XRRA1: variants seen among roughly 807,000 people sequenced by gnomAD.
The protein encoded by XRRA1 is X-ray radiation resistance-associated protein 1.
In XRRA1, 69 loss-of-function variants were observed where a neutral mutation model predicts 80.2. The observed-to-expected ratio is 0.86, with a 90% CI of 0.71 to 1.05. The LOEUF (loss-of-function observed/expected upper bound fraction) is 1.05, where lower values mean the gene tolerates loss of function less well. XRRA1 is among the 50% of genes least tolerant of loss of function. The pLI, the probability that XRRA1 is intolerant of heterozygous loss-of-function variation, is 0.00. For synonymous variants in XRRA1, 348 were observed against 389.9 expected, an observed-to-expected ratio of 0.89 and a Z score of 1.27; for missense variants, 967 against 976.4, an observed-to-expected ratio of 0.99 and a Z score of 0.13.
At position 74,851,155 on chromosome 11, in the gene XRRA1, T is replaced by G. The variant is rs776723945; in HGVS notation, c.1313A>C (p.His438Pro). Residue 438 changes from histidine to proline, a missense_variant, in exon 14 of 19, where the codon CAC becomes CCC. Coordinates refer to ENST00000684022, the MANE Select transcript of XRRA1 (RefSeq NM_001378157.1). ...CTTTACTATCTTCCTTCGAATTAAG[T>G]GGATTCCCAGTCGCTCCTGGAGGAA... ...KSFLQERLGI[H>P]LIRRKIVKPK... 2 of 1,613,168 alleles carry G rather than the reference T, an allele frequency of 1.2e-6. No individual in the cohort carries two copies. Among genetic ancestry groups the G allele is most frequent in the Non-Finnish European group, 8.5e-7 (1 of 1,179,440 alleles).
intron 10 of XRRA1, among the ~76,000 whole-genome samples, chr11:74,904,467 GAA>G (rs200123565): frequency 6.3e-5 from 8 of 126,110 alleles, no homozygotes; most frequent in African/African-American, 2.3e-4. Context: ...TCTCTAAAAA[GAA>G]AAAAAAAAAA....
At chr11:74,869,409 T>C (rs1348184942) in intron 10 of XRRA1, among the ~76,000 whole-genome samples, 1 of 152,066 alleles carries the variant, frequency 6.6e-6, no homozygotes, top group African/African-American at 2.4e-5. Context: ...CCCAAGAAAT[T>C]ATTTTTTTCT....
chr11:74,884,458 T>G (rs2048519671), intron 10 of XRRA1, among the ~76,000 whole-genome samples: 1 of 152,214 alleles, frequency 6.6e-6, no homozygotes. Flanking sequence ...ATGGCACAGC[T>G]ATTCCTAACC....
chr11:74,878,786 T>A (rs1355385086), intron 10 of XRRA1, among the ~76,000 whole-genome samples: 1 of 151,592 alleles, frequency 6.6e-6, no homozygotes, highest in Non-Finnish European at 1.5e-5. Context: ...ATATGCGGCA[T>A]TATTTCTGAG....
intron 8 of XRRA1, among the ~76,000 whole-genome samples, chr11:74,913,172 A>C (rs1189601358): frequency 6.6e-6 from 1 of 152,266 alleles, no homozygotes; most frequent in African/African-American, 2.4e-5. Context: ...CAAAGTATAT[A>C]GCCCATTATA....
intron 10 of XRRA1, among the ~76,000 whole-genome samples, chr11:74,899,466 C>G (rs1048911916): frequency 1.3e-5 from 2 of 151,794 alleles, no homozygotes; most frequent in African/African-American, 4.8e-5. Flanking sequence ...ACCAATGAAA[C>G]AAAAAGTTGG....
intron 10 of XRRA1, among the ~76,000 whole-genome samples, chr11:74,882,336 C>G (rs1389280465): frequency 2.0e-5 from 3 of 150,942 alleles, no homozygotes; most frequent in African/African-American, 7.3e-5. Context: ...TCACGTAGTT[C>G]TCGAGCCTTG....
chr11:74,908,119 A>G (rs1478431524), intron 8 of XRRA1, among the ~76,000 whole-genome samples: 2 of 152,230 alleles, frequency 1.3e-5, no homozygotes, highest in African/African-American at 4.8e-5. Flanking sequence ...ATACACATAT[A>G]TAAGCCACAA....
chr11:74,907,652 T>C (rs2054930490), intron 8 of XRRA1, among the ~76,000 whole-genome samples: 2 of 152,266 alleles, frequency 1.3e-5, no homozygotes, highest in Non-Finnish European at 2.9e-5. Context: ...GACTCCTTGT[T>C]ATGCTGTGTC....
chr11:74,941,989 T>C (rs538912356), intron 2 of XRRA1, among the ~76,000 whole-genome samples: 1 of 152,134 alleles, frequency 6.6e-6, no homozygotes, highest in Non-Finnish European at 1.5e-5. Context: ...GGTACATGCC[T>C]GTGGTCCCAG....
intron 1 of XRRA1, among the ~76,000 whole-genome samples, chr11:74,945,749 C>A (rs750771469): frequency 2.0e-5 from 3 of 152,080 alleles, no homozygotes; most frequent in Admixed American, 1.3e-4. Context: ...GCAGCTAATG[C>A]CAATCTGACT....
At chr11:74,925,834 T>A (rs749862297) in intron 7 of XRRA1, among the ~76,000 whole-genome samples, 1 of 152,154 alleles carries the variant, frequency 6.6e-6, no homozygotes, top group Non-Finnish European at 1.5e-5. Flanking sequence ...GAAGACAAGA[T>A]GCATGGTACA....
chr11:74,848,283 G>T lies in XRRA1; in HGVS notation c.1560C>A (p.Gly520=), dbSNP rs1326220291. 1 of 1,613,948 alleles carries T rather than the reference G, an allele frequency of 6.2e-7. No homozygotes were observed. The highest frequency in any genetic ancestry group is 1.7e-5 in the Admixed American group (1 of 60,016). Residue 520 remains glycine, a synonymous_variant, in exon 15 of 19, where the codon GGC becomes GGA. Transcript: ENST00000684022. ...ESEMPTENLE[G]HSPSCRTFVP... is the part of the protein sequence containing the mutation. ...CGAAGGTCCGGCAAGACGGGGAATG[G>T]CCTTCCAGGTTCTCAGTGGGCATCT...
intron 10 of XRRA1, among the ~76,000 whole-genome samples, chr11:74,881,760 C>G (rs2047658608): frequency 6.7e-6 from 1 of 150,268 alleles, no homozygotes; most frequent in Non-Finnish European, 1.5e-5. Flanking sequence ...TTCTCCTTCA[C>G]TTATGAAGCT....
intron 1 of XRRA1, among the ~76,000 whole-genome samples, chr11:74,947,873 C>T (rs943790525): frequency 2.6e-5 from 4 of 152,100 alleles, no homozygotes; most frequent in Non-Finnish European, 5.9e-5. Flanking sequence ...TACAGGTGCC[C>T]GCTACCACGC....
chr11:74,864,737 G>A (rs2043027449), intron 10 of XRRA1, among the ~76,000 whole-genome samples: 1 of 152,214 alleles, frequency 6.6e-6, no homozygotes, highest in Non-Finnish European at 1.5e-5. Context: ...CCTGAAAGTT[G>A]CCGTTTTTCT....
intron 1 of XRRA1, among the ~76,000 whole-genome samples, chr11:74,948,167 A>C (rs986185090): frequency 2.0e-5 from 3 of 152,258 alleles, no homozygotes; most frequent in Non-Finnish European, 2.9e-5. Flanking sequence ...TGGGGGATAT[A>C]TAGGAATTAA....
intron 5 of XRRA1, 52 bp downstream of exon 5, chr11:74,933,749 C>T (rs372396592): frequency 1.1e-4 from 160 of 1,510,958 alleles, no homozygotes; most frequent in African/African-American, 3.3e-4. Context: ...CAGCCAGGTG[C>T]GCCACCTCAA....
At chr11:74,908,468 G>A (rs74376927) in intron 8 of XRRA1, among the ~76,000 whole-genome samples, 3,513 of 152,274 alleles carry the variant, frequency 0.023, 151 homozygotes, top group African/African-American at 0.08. Context: ...CTTAACAAAG[G>A]TTGGCAGTGA....
Sources: allele counts gnomAD v4.1 joint callset (sites outside exome capture counted in the v4.1 genomes callset), GRCh38; gene constraint gnomAD v4.1.1; transcripts MANE v1.5; gene names NCBI Gene and HGNC (gene_info 2026-07-23, HGNC 2026-07-21).